SYNE2: variants seen among roughly 807,000 people sequenced by gnomAD.
SYNE2 encodes the protein nesprin-2.
Under a neutral mutation model 856.3 loss-of-function variants are expected in SYNE2, and 431 were observed. The ratio of observed to expected loss-of-function variants is 0.50; its 90% CI spans 0.47 to 0.55. The LOEUF (loss-of-function observed/expected upper bound fraction) is 0.55, where lower values mean the gene tolerates loss of function less well. Ranked by LOEUF, SYNE2 falls within the 20% of genes least tolerant of loss-of-function variation. The pLI, the probability that SYNE2 is intolerant of heterozygous loss-of-function variation, is 0.00. For missense variants in SYNE2, 8,129 were observed against 8,023.2 expected, an observed-to-expected ratio of 1.01 and a Z score of -0.50; for synonymous variants, 2,923 against 2,872.3, an observed-to-expected ratio of 1.02 and a Z score of -0.56.
intron 2 of SYNE2, among the ~76,000 whole-genome samples, chr14:63,929,648 G>A (rs536304968): frequency 2.6e-5 from 4 of 152,012 alleles, no homozygotes; most frequent in Non-Finnish European, 4.4e-5. Flanking sequence ...GTGGGCGCCT[G>A]TAATCCCAGC....
At chr14:63,761,922 G>A in exon 1 of SYNE2, 1 of 262,316 alleles carries the variant, frequency 3.8e-6, no homozygotes, top group Non-Finnish European at 7.9e-6. Context: ...GACGACCAGA[G>A]TAGCGACCCG....
intron 2 of SYNE2, among the ~76,000 whole-genome samples, chr14:63,931,023 T>C (rs2095746861): frequency 6.6e-6 from 1 of 152,164 alleles, no homozygotes; most frequent in Non-Finnish European, 1.5e-5. Flanking sequence ...GACTGAGCCC[T>C]TAACGTGTGG....
chr14:63,833,768 A>C (rs1176308681), intron 1 of SYNE2, among the ~76,000 whole-genome samples: 1 of 152,182 alleles, frequency 6.6e-6, no homozygotes, highest in Non-Finnish European at 1.5e-5. Flanking sequence ...ATATCATGCT[A>C]ACTGTGCGAT....
chr14:63,962,150 C>A (rs996637948), intron 9 of SYNE2, among the ~76,000 whole-genome samples: 2 of 151,830 alleles, frequency 1.3e-5, no homozygotes, highest in Admixed American at 1.3e-4. Context: ...TCTGTCTCCC[C>A]GTTCAAGTGA....
At chr14:64,089,842 A>C (rs1385308104) in intron 59 of SYNE2, 146 bp downstream of exon 59, 2 of 649,520 alleles carry the variant, frequency 3.1e-6, no homozygotes, top group African/African-American at 3.7e-5. Flanking sequence ...AATAACTATA[A>C]CTGTATATTT....
At chr14:64,098,909 T>C (rs1347824053) in intron 63 of SYNE2, 88 bp downstream of exon 63, 2 of 1,256,500 alleles carry the variant, frequency 1.6e-6, no homozygotes, top group Non-Finnish European at 2.3e-6. Flanking sequence ...AATGGAAACC[T>C]AAGAATTTTT....
intron 6 of SYNE2, among the ~76,000 whole-genome samples, chr14:63,948,210 T>A (rs1193510450): frequency 6.6e-6 from 1 of 150,628 alleles, no homozygotes; most frequent in Non-Finnish European, 1.5e-5. Flanking sequence ...CCTGCTGGAA[T>A]TTTTATTAGG....
chr14:63,889,072 A>G lies in SYNE2; in HGVS notation c.-51-20026A>G, dbSNP rs1375350116. ...AAAAAAAAAAAAAAAAAAAAAAAAA[A>G]GGGTAAAGACCTATGATACAGACAA... On this transcript the variant is annotated intron_variant, in intron 1 of 115. Coordinates refer to ENST00000555002, the MANE Select transcript of SYNE2 (RefSeq NM_182914.3). Among the ~76,000 whole-genome samples, 4 of 140,180 alleles carry G rather than the reference A, an allele frequency of 2.9e-5. No homozygotes were observed. The East Asian group carries it at 6.1e-4, about 21-fold the overall frequency. The allele number at this position is 140,180 out of a possible 152,430, so 92.0% of individuals were successfully genotyped here.
At chr14:64,161,106 G>A (rs1322386163) in intron 87 of SYNE2, among the ~76,000 whole-genome samples, 1 of 152,150 alleles carries the variant, frequency 6.6e-6, no homozygotes, top group Non-Finnish European at 1.5e-5. Context: ...CACTTTGGGA[G>A]GCCGAGGTGG....
chr14:64,133,167 C>T (rs974279953), intron 77 of SYNE2, among the ~76,000 whole-genome samples: 3 of 151,382 alleles, frequency 2.0e-5, no homozygotes, highest in African/African-American at 7.3e-5. Flanking sequence ...GATTGCACCA[C>T]TGCACTCCAG....
At chr14:63,895,800 G>GA (rs1264574443) in intron 1 of SYNE2, among the ~76,000 whole-genome samples, 1 of 130,840 alleles carries the variant, frequency 7.6e-6, no homozygotes, top group South Asian at 2.5e-4. Context: ...AAAAAACCTA[G>GA]AAAAAATTTA....
chr14:64,159,589 T>A, intron 87 of SYNE2, 147 bp downstream of exon 87: 1 of 923,632 alleles, frequency 1.1e-6, no homozygotes, highest in Non-Finnish European at 1.7e-6. Context: ...TTGATGAATC[T>A]AGTCTATGTA....
rs758401424 is a variant in SYNE2 at position 64,220,440 on chromosome 14, A to G, written c.19864A>G (p.Ile6622Val). 1.9e-6 allele frequency: 3 copies of G among 1,614,136 alleles called. No homozygotes were observed. In the Admixed American group the frequency reaches 5.0e-5, roughly 27 times the overall value. The change falls in exon 111 of 116, where the codon ATA becomes GTA. Residue 6622 changes from isoleucine to valine, a missense_variant. Physicochemically the swap from Ile to Val is conservative, Grantham distance 29. Around this residue, in one of 3 missense-constraint regions of SYNE2, gnomAD observed 5,410 missense variants for 5,284.8 expected, o/e 1.02. Transcript: ENST00000555002. ...IELRVKRLQE[I>V]LKAFDTYKAL... is the part of the protein sequence containing the mutation. Reference sequence around the variant, plus strand: ...TCATCTTTTCTCTCTCTGGTAGGAGATACTGAAAGCCTTTGACACTTACAA... The same window carrying G: ...TCATCTTTTCTCTCTCTGGTAGGAGGTACTGAAAGCCTTTGACACTTACAA...
chr14:63,977,890 T>G lies in SYNE2; in HGVS notation c.1294-15T>G. 3 of 1,559,458 alleles carry G rather than the reference T, an allele frequency of 1.9e-6. No homozygotes were observed. The highest frequency in any genetic ancestry group is 2.7e-6 in the Non-Finnish European group (3 of 1,130,314). On this transcript the variant is annotated splice_polypyrimidine_tract_variant and intron_variant, in intron 12 of 115. Coordinates refer to ENST00000555002, the MANE Select transcript of SYNE2 (RefSeq NM_182914.3). ...GCAATAAGTATCGTTTATGTCATGC[T>G]GAATTTCTTTTCAGAGCCTGATGGA...
Position 64,000,578 on chromosome 14 carries a change from CTG to C in SYNE2, c.3498_3499del (p.Asp1167CysfsTer7). On this transcript the variant is annotated frameshift_variant, in exon 28 of 116. Transcript: ENST00000555002. LOFTEE classifies it high-confidence loss of function. ...TCCATCTAGGTCATAAAAAATGAAACTGATGCTCGCTGGAAAGAGTTTGAAAT... is the reference window on the plus strand; with the variant it reads ...TCCATCTAGGTCATAAAAAATGAAACATGCTCGCTGGAAAGAGTTTGAAAT... 1 of 1,613,288 alleles carries C rather than the reference CTG, an allele frequency of 6.2e-7. No homozygotes were observed.
chr14:64,087,021 T>G (rs973361921), intron 57 of SYNE2, among the ~76,000 whole-genome samples: 1 of 148,692 alleles, frequency 6.7e-6, no homozygotes. Flanking sequence ...AGTATACATT[T>G]CTTGCATGTA....
chr14:63,823,084 G>A (rs985731798), intron 1 of SYNE2, among the ~76,000 whole-genome samples: 2 of 152,048 alleles, frequency 1.3e-5, no homozygotes, highest in Non-Finnish European at 2.9e-5. Context: ...AGCCAGGGAG[G>A]CAGAGCGAGA....
At chr14:63,891,678 G>GTA (rs1335256320) in intron 1 of SYNE2, among the ~76,000 whole-genome samples, 3 of 151,924 alleles carry the variant, frequency 2.0e-5, no homozygotes, top group Admixed American at 6.6e-5. Flanking sequence ...AATCATATAT[G>GTA]TATATATATG....
At chr14:63,797,517 C>T (rs1887965969) in intron 1 of SYNE2, among the ~76,000 whole-genome samples, 1 of 152,168 alleles carries the variant, frequency 6.6e-6, no homozygotes, top group Non-Finnish European at 1.5e-5. Flanking sequence ...AACCTGCTCA[C>T]TGCAACCTCC....
Sources: allele counts gnomAD v4.1 joint callset (sites outside exome capture counted in the v4.1 genomes callset), GRCh38; gene constraint gnomAD v4.1.1; regional missense constraint gnomAD v4.1.1; transcripts MANE v1.5; gene names NCBI Gene and HGNC (gene_info 2026-07-23, HGNC 2026-07-21).